The following LYRM4 variants were observed in gnomAD, a reference collection of about 807,000 sequenced individuals.
LYRM4 encodes LYR motif-containing protein 4.
A neutral mutation model predicts 11.7 loss-of-function variants in LYRM4; 9 were observed. The ratio of observed to expected loss-of-function variants is 0.77; its 90% CI spans 0.46 to 1.34. The LOEUF (loss-of-function observed/expected upper bound fraction) is 1.34. LYRM4 is among the 40% of genes most tolerant of loss of function. LYRM4 has a pLI of 0.00. For synonymous variants in LYRM4, 42 were observed against 40.4 expected, an observed-to-expected ratio of 1.04 and a Z score of -0.15; for missense variants, 133 against 112.5, an observed-to-expected ratio of 1.18 and a Z score of -0.82.
intron 2 of LYRM4, among the ~76,000 whole-genome samples, chr6:5,112,338 G>A (rs146343563): frequency 8.1e-4 from 124 of 152,326 alleles, no homozygotes; most frequent in Non-Finnish European, 9.4e-4. Context: ...CACAGTCCTG[G>A]TAGACAACAC....
chr6:5,184,376 A>G (rs1760257417), intron 2 of LYRM4, among the ~76,000 whole-genome samples: 1 of 152,080 alleles, frequency 6.6e-6, no homozygotes, highest in Non-Finnish European at 1.5e-5. Context: ...AGAAGTTGAA[A>G]TTTTCTTTTT....
intron 2 of LYRM4, among the ~76,000 whole-genome samples, chr6:5,147,939 A>T (rs1757823825): frequency 6.6e-6 from 1 of 152,220 alleles, no homozygotes; most frequent in South Asian, 2.1e-4. Flanking sequence ...TTTGTAAATT[A>T]GTGGGCAACT....
rs922915912 is a variant in LYRM4 at position 5,109,308 on chromosome 6, C to T, written c.*115G>A. On this transcript the variant is annotated 3_prime_UTR_variant, in exon 3 of 3. Transcript: ENST00000330636. ...ATGTGACTTGGTTTATCAGCTCCCA[C>T]AGGACAGGCAGCGCAAAAGGCTATT... is the stretch of plus-strand genomic sequence containing the variant. 4 of 1,559,886 alleles carry T rather than the reference C, an allele frequency of 2.6e-6. No homozygotes were observed. The highest frequency in any genetic ancestry group is 3.5e-6 in the Non-Finnish European group (4 of 1,147,918).
downstream of LYRM4, among the ~76,000 whole-genome samples, chr6:5,099,391 CTCTATCTA>C (rs58771475): frequency 3.8e-4 from 55 of 145,560 alleles, 1 homozygote; most frequent in Middle Eastern, 6.8e-3. The surrounding 1 kb of genome is among the most constrained non-coding windows in gnomAD (Gnocchi z 4.3). Flanking sequence ...AAATCTATTT[CTCTATCTA>C]TCTATCTATC....
chr6:5,144,708 A>G (rs564249209), intron 2 of LYRM4, among the ~76,000 whole-genome samples: 21 of 148,118 alleles, frequency 1.4e-4, no homozygotes, highest in Admixed American at 1.2e-3. Context: ...TTAGCTACCC[A>G]TGGCCCCAGG....
intron 1 of LYRM4, among the ~76,000 whole-genome samples, chr6:5,256,491 GAAAAAAAAA>G (rs1161084364): frequency 2.3e-5 from 1 of 43,860 alleles, no homozygotes; most frequent in Non-Finnish European, 3.6e-5. Flanking sequence ...ATTTCAACTG[GAAAAAAAAA>G]AAAAAAAAAA....
chr6:5,076,880 T>G, the LYRM4 span, among the ~76,000 whole-genome samples: 1 of 152,338 alleles, frequency 6.6e-6, no homozygotes, highest in East Asian at 1.9e-4. Flanking sequence ...CCATTTCTCA[T>G]GCTCATGGCC....
chr6:5,243,122 T>C lies in LYRM4; in HGVS notation c.86+17526A>G, dbSNP rs935360306. Among the ~76,000 whole-genome samples the C allele has an allele frequency of 2.6e-5, 4 of 152,318 alleles. No individual in the cohort carries two copies. In the Middle Eastern group the frequency reaches 0.014, roughly 518 times the overall value. ...GATATAGCAGGGCTGGGAGAATTCTTCAAGGGCGAATTTGAAGGGCAAATG... is the reference window on the plus strand; with the variant it reads ...GATATAGCAGGGCTGGGAGAATTCTCCAAGGGCGAATTTGAAGGGCAAATG... On this transcript the variant is annotated intron_variant, in intron 1 of 2. Coordinates refer to ENST00000330636, the MANE Select transcript of LYRM4 (RefSeq NM_020408.6).
chr6:5,083,719 C>T, the LYRM4 span, among the ~76,000 whole-genome samples: 2 of 152,340 alleles, frequency 1.3e-5, no homozygotes, highest in Admixed American at 6.5e-5. Flanking sequence ...CCTCACCCAC[C>T]ATCTCTTTTG....
intron 2 of LYRM4, among the ~76,000 whole-genome samples, chr6:5,203,628 T>A (rs1761519478): frequency 6.6e-6 from 1 of 152,216 alleles, no homozygotes; most frequent in South Asian, 2.1e-4. Flanking sequence ...TTTATCAGCA[T>A]GCAATAAATA....
chr6:5,138,324 C>T (rs1757206519), intron 2 of LYRM4, among the ~76,000 whole-genome samples: 2 of 151,434 alleles, frequency 1.3e-5, no homozygotes, highest in Non-Finnish European at 2.9e-5. Context: ...TCTCTACAAA[C>T]AATACAGAAA....
chr6:5,254,571 T>C (rs1030715014), intron 1 of LYRM4, among the ~76,000 whole-genome samples: 1 of 152,342 alleles, frequency 6.6e-6, no homozygotes, highest in African/African-American at 2.4e-5. Flanking sequence ...GGAATAGAGA[T>C]AAGACAGAAT....
intron 2 of LYRM4, among the ~76,000 whole-genome samples, chr6:5,197,616 G>A (rs1011211396): frequency 6.6e-6 from 1 of 152,172 alleles, no homozygotes; most frequent in Non-Finnish European, 1.5e-5. Flanking sequence ...AGAGGTTGCA[G>A]TGAGCCGAGA....
chr6:5,050,528 T>C, the LYRM4 span, among the ~76,000 whole-genome samples: 10 of 152,254 alleles, frequency 6.6e-5, no homozygotes, highest in Admixed American at 3.3e-4. Flanking sequence ...GAGCCTGCTC[T>C]TTTTTTTCTT....
the LYRM4 span, among the ~76,000 whole-genome samples, chr6:5,052,432 A>G: frequency 6.6e-6 from 1 of 152,332 alleles, no homozygotes; most frequent in South Asian, 2.1e-4. Flanking sequence ...AAGCTGGTAT[A>G]AATTCAAACT....
chr6:5,158,588 C>A (rs1018284910), intron 2 of LYRM4, among the ~76,000 whole-genome samples: 1 of 151,814 alleles, frequency 6.6e-6, no homozygotes, highest in East Asian at 1.9e-4. Context: ...GCGATTCTCC[C>A]ACTTCAGCCT....
At chr6:5,067,410 A>G in the LYRM4 span, among the ~76,000 whole-genome samples, 1 of 152,208 alleles carries the variant, frequency 6.6e-6, no homozygotes, top group African/African-American at 2.4e-5. Flanking sequence ...CAGCCATCAG[A>G]GTCTTAAATC....
chr6:5,175,564 T>C (rs770467332), intron 2 of LYRM4, among the ~76,000 whole-genome samples: 1 of 152,012 alleles, frequency 6.6e-6, no homozygotes, highest in Non-Finnish European at 1.5e-5. Context: ...GTTTCCAGGA[T>C]AAAGGGCCAG....
the LYRM4 span, chr6:5,066,941 G>A: frequency 1.8e-6 from 2 of 1,106,260 alleles, no homozygotes; most frequent in Admixed American, 2.7e-5. Flanking sequence ...CCAAGGCGGA[G>A]AGCCTCAGCC....
Sources: allele counts gnomAD v4.1 joint callset (sites outside exome capture counted in the v4.1 genomes callset), GRCh38; gene constraint gnomAD v4.1.1; non-coding constraint Gnocchi (gnomAD v3.1); transcripts MANE v1.5; gene names NCBI Gene and HGNC (gene_info 2026-07-23, HGNC 2026-07-21).